Variants in SH3RF3 observed in about 807,000 individuals in gnomAD.
SH3RF3 encodes SH3 domain containing ring finger 3.
In SH3RF3, 29 loss-of-function variants were observed where a neutral mutation model predicts 66.3. The observed-to-expected ratio is 0.44, with a 90% confidence interval of 0.33 to 0.60. SH3RF3 has a LOEUF of 0.60. Ranked by LOEUF, SH3RF3 falls within the 20% of genes least tolerant of loss-of-function variation. SH3RF3 has a pLI of 0.04. For synonymous variants in SH3RF3, 583 were observed against 532.0 expected, an observed-to-expected ratio of 1.10 and a Z score of -1.32; for missense variants, 1,194 against 1,190.9, an observed-to-expected ratio of 1.00 and a Z score of -0.04.
intron 1 of SH3RF3, among the ~76,000 whole-genome samples, chr2:109,135,845 G>A (rs1284555391): frequency 6.6e-6 from 1 of 152,140 alleles, no homozygotes. Context: ...CAGAGGCAGT[G>A]TTCATGATTC....
At chr2:109,267,729 A>G (rs1680531386) in intron 1 of SH3RF3, among the ~76,000 whole-genome samples, 1 of 152,118 alleles carries the variant, frequency 6.6e-6, no homozygotes, top group Admixed American at 6.5e-5. Context: ...CCTGTTTCTC[A>G]GTGCATGTCA....
chr2:109,267,713 CCCTT>C (rs1349061019), intron 1 of SH3RF3, among the ~76,000 whole-genome samples: 1 of 152,240 alleles, frequency 6.6e-6, no homozygotes, highest in Non-Finnish European at 1.5e-5. Context: ...CTTTTACTCT[CCCTT>C]CCCTGTTTCT....
At chr2:109,396,918 C>G (rs1171619489) in intron 3 of SH3RF3, among the ~76,000 whole-genome samples, 1 of 152,248 alleles carries the variant, frequency 6.6e-6, no homozygotes, top group East Asian at 1.9e-4. Context: ...GACTCACTGC[C>G]TCTCTCCTCT....
chr2:109,158,648 A>G (rs1462930360), intron 1 of SH3RF3, among the ~76,000 whole-genome samples: 1 of 152,218 alleles, frequency 6.6e-6, no homozygotes, highest in Non-Finnish European at 1.5e-5. Context: ...CTAAGTCGTG[A>G]GAGCATCCCT....
At chr2:109,383,411 G>A (rs1675746646) in intron 3 of SH3RF3, among the ~76,000 whole-genome samples, 1 of 152,166 alleles carries the variant, frequency 6.6e-6, no homozygotes, top group Non-Finnish European at 1.5e-5. Context: ...CTCACCCTTA[G>A]TTCTAAGACT....
chr2:109,272,393 C>T (rs1479665368), intron 1 of SH3RF3, among the ~76,000 whole-genome samples: 1 of 152,194 alleles, frequency 6.6e-6, no homozygotes, highest in Non-Finnish European at 1.5e-5. Context: ...GTGCAGGCAC[C>T]ATGAGGGCAA....
chr2:109,492,739 G>A (rs905906085), intron 9 of SH3RF3, among the ~76,000 whole-genome samples: 26 of 152,228 alleles, frequency 1.7e-4, no homozygotes, highest in East Asian at 1.9e-4. Flanking sequence ...CATGGCCCAC[G>A]CCCTGAGCTA....
intron 1 of SH3RF3, among the ~76,000 whole-genome samples, chr2:109,139,940 A>G (rs1344519976): frequency 6.6e-6 from 1 of 152,234 alleles, no homozygotes; most frequent in Non-Finnish European, 1.5e-5. Flanking sequence ...GTTCCTAGGC[A>G]GATGGAGGCT....
At chr2:109,433,655 C>T (rs887759170) in intron 6 of SH3RF3, among the ~76,000 whole-genome samples, 2 of 152,202 alleles carry the variant, frequency 1.3e-5, no homozygotes, top group Non-Finnish European at 2.9e-5. Context: ...GCAGAGTGGT[C>T]TCGGGACACA....
intron 1 of SH3RF3, among the ~76,000 whole-genome samples, chr2:109,267,230 G>A (rs1293499358): frequency 6.6e-6 from 1 of 152,072 alleles, no homozygotes; most frequent in Non-Finnish European, 1.5e-5. Context: ...CTCTGAATAG[G>A]AAGTGCATGT....
At chr2:109,389,774 CGAGT>C in intron 3 of SH3RF3, among the ~76,000 whole-genome samples, 1 of 151,998 alleles carries the variant, frequency 6.6e-6, no homozygotes, top group Non-Finnish European at 1.5e-5. Flanking sequence ...ATGTATAATG[CGAGT>C]GATCATTGGT....
chr2:109,416,559 A>G (rs1050368567), intron 4 of SH3RF3, among the ~76,000 whole-genome samples: 1 of 151,608 alleles, frequency 6.6e-6, no homozygotes, highest in African/African-American at 2.4e-5. Flanking sequence ...TAATTTTTGT[A>G]TTTTTAGTAG....
intron 1 of SH3RF3, among the ~76,000 whole-genome samples, chr2:109,193,991 C>G (rs989933768): frequency 2.0e-5 from 3 of 152,222 alleles, no homozygotes; most frequent in African/African-American, 7.2e-5. Context: ...GAGTGAGTGA[C>G]TGACTGCTGA....
chr2:109,188,533 G>C (rs981794260), intron 1 of SH3RF3, among the ~76,000 whole-genome samples: 18 of 152,242 alleles, frequency 1.2e-4, no homozygotes, highest in Admixed American at 6.5e-4. Flanking sequence ...CACGTTCAGA[G>C]AAGCGGCATC....
At chr2:109,299,173 GCCT>G (rs1260447682) in intron 1 of SH3RF3, among the ~76,000 whole-genome samples, 2 of 152,206 alleles carry the variant, frequency 1.3e-5, no homozygotes, top group Non-Finnish European at 2.9e-5. Context: ...TGCTCACGGG[GCCT>G]CCTCTGACCA....
intron 1 of SH3RF3, among the ~76,000 whole-genome samples, chr2:109,316,264 A>T (rs1054519113): frequency 6.6e-6 from 1 of 152,268 alleles, no homozygotes; most frequent in South Asian, 2.1e-4. Flanking sequence ...CTGGGCTATC[A>T]GTGCTGTGGG....
chr2:109,372,091 A>G (rs1345417552), intron 3 of SH3RF3, among the ~76,000 whole-genome samples: 3 of 152,188 alleles, frequency 2.0e-5, no homozygotes, highest in Non-Finnish European at 4.4e-5. Context: ...CCCACTGCAC[A>G]CGGATTGGAA....
At chr2:109,463,765 A>G (rs1665875048) in intron 8 of SH3RF3, among the ~76,000 whole-genome samples, 1 of 152,208 alleles carries the variant, frequency 6.6e-6, no homozygotes, top group Non-Finnish European at 1.5e-5. Flanking sequence ...GGAACATGCT[A>G]AGACCATGGA....
At chr2:109,497,389 G>A (rs910147477) in intron 9 of SH3RF3, among the ~76,000 whole-genome samples, 7 of 152,116 alleles carry the variant, frequency 4.6e-5, no homozygotes, top group African/African-American at 1.7e-4. Context: ...CGACCCCCAA[G>A]GAAAGCAGAA....
Sources: gnomAD v4.1 joint callset for allele counts (sites outside exome capture counted in the v4.1 genomes callset) on GRCh38, gnomAD v4.1.1 for gene constraint, MANE v1.5 for transcripts, NCBI Gene and HGNC (gene_info 2026-07-23, HGNC 2026-07-21) for gene names.